USP44: variants seen among roughly 807,000 people sequenced by gnomAD.
USP44 encodes the protein ubiquitin carboxyl-terminal hydrolase 44.
USP44 carries 61 observed loss-of-function variants against 69.0 expected under a neutral mutation model. That is an observed-to-expected ratio of 0.88 (90% CI 0.72 to 1.09). The LOEUF is 1.09. Among genes scored for constraint, USP44 ranks in the 50% least tolerant of loss-of-function variants. The pLI, the probability that USP44 is intolerant of heterozygous loss-of-function variation, is 0.00. For synonymous variants in USP44, 297 were observed against 295.4 expected, an observed-to-expected ratio of 1.01 and a Z score of -0.06; for missense variants, 753 against 849.9, an observed-to-expected ratio of 0.89 and a Z score of 1.42.
At chr12:95,528,705 G>C in intron 3 of USP44, 102 bp downstream of exon 3, 2 of 1,263,274 alleles carry the variant, frequency 1.6e-6, no homozygotes, top group African/African-American at 1.5e-5. Context: ...CTGAAAAAAA[G>C]TTCATTTTCA....
chr12:95,542,495 G>A (rs1171807985), intron 1 of USP44, among the ~76,000 whole-genome samples: 1 of 152,204 alleles, frequency 6.6e-6, no homozygotes, highest in Non-Finnish European at 1.5e-5. Flanking sequence ...GCCAGGCACA[G>A]TGGCTTACGC....
chr12:95,546,682 G>A (rs1042355657), intron 1 of USP44: 7 of 152,294 alleles, frequency 4.6e-5, no homozygotes, highest in Admixed American at 3.9e-4. Context: ...ACTGCAGGAA[G>A]GACAGAGACT....
Position 95,546,082 on chromosome 12 carries a change from C to T in USP44, c.-71+5190G>A, listed in dbSNP as rs114843556. Among the ~76,000 whole-genome samples, 487 of 152,314 alleles carry T rather than the reference C, an allele frequency of 3.2e-3. 3 individuals are homozygous for T. Among genetic ancestry groups the T allele is most frequent in the African/African-American group, 0.011 (461 of 41,564 alleles). ...GCCTCCGGGTTATTTGAATTTCTCACCCCCATCCCTACTTAACAAGTAATT... is the reference window on the plus strand; with the variant it reads ...GCCTCCGGGTTATTTGAATTTCTCATCCCCATCCCTACTTAACAAGTAATT... On this transcript the variant is annotated intron_variant, in intron 1 of 5. Coordinates refer to ENST00000258499, the MANE Select transcript of USP44 (RefSeq NM_032147.5).
intron 1 of USP44, among the ~76,000 whole-genome samples, chr12:95,546,201 A>G (rs150331122): frequency 6.6e-6 from 1 of 152,348 alleles, no homozygotes; most frequent in Non-Finnish European, 1.5e-5. Flanking sequence ...AACATTCAGA[A>G]TAATACTGAG....
intron 1 of USP44, among the ~76,000 whole-genome samples, chr12:95,543,831 G>C (rs966196137): frequency 6.7e-6 from 1 of 150,352 alleles, no homozygotes; most frequent in Non-Finnish European, 1.5e-5. Flanking sequence ...GCCAGGCGTA[G>C]TGGCGGGCGC....
At chr12:95,538,927 C>A (rs1039782177) in intron 1 of USP44, among the ~76,000 whole-genome samples, 1 of 152,216 alleles carries the variant, frequency 6.6e-6, no homozygotes, top group South Asian at 2.1e-4. Flanking sequence ...GCTATGCATT[C>A]GCTCTGGCGT....
At chr12:95,531,218 T>C (rs1245992714) in intron 2 of USP44, among the ~76,000 whole-genome samples, 3 of 151,638 alleles carry the variant, frequency 2.0e-5, no homozygotes, top group African/African-American at 7.3e-5. Flanking sequence ...AGCAGACATA[T>C]ACCAAAAAAA....
At chr12:95,531,041 G>A (rs561373025) in intron 2 of USP44, among the ~76,000 whole-genome samples, 1 of 152,244 alleles carries the variant, frequency 6.6e-6, no homozygotes, top group South Asian at 2.1e-4. Context: ...GCAGGCGCCT[G>A]TAGTCCCAGC....
intron 1 of USP44, among the ~76,000 whole-genome samples, chr12:95,538,188 T>C (rs1465026529): frequency 6.6e-6 from 1 of 152,060 alleles, no homozygotes; most frequent in Admixed American, 6.6e-5. Context: ...AATCCCCGAG[T>C]TTAACACTTG....
chr12:95,547,271 T>G (rs1249369960), intron 1 of USP44, among the ~76,000 whole-genome samples: 2 of 152,206 alleles, frequency 1.3e-5, no homozygotes, highest in Non-Finnish European at 2.9e-5. Flanking sequence ...ATCTCTACAT[T>G]TGAATTTGGA....
Position 95,533,110 on chromosome 12 carries a change from G to T in USP44, c.1147C>A (p.His383Asn), listed in dbSNP as rs1485230704. Residue 383 changes from histidine (H) to asparagine (N), a missense_variant, in exon 2 of 6, where the codon CAT (histidine) becomes AAT (asparagine). By Grantham distance (68) the His-to-Asn change is moderately conservative. Coordinates refer to ENST00000258499, the MANE Select transcript of USP44 (RefSeq NM_032147.5). ...ACTTGGAACAAAGTATGCAATTCATGACAAAGAGAAATGTACTGTGAAGTT... is the reference window on the plus strand; with the variant it reads ...ACTTGGAACAAAGTATGCAATTCATTACAAAGAGAAATGTACTGTGAAGTT... ...EPTSQYISLCHELHTLFQVMW... is the reference protein window; with the variant it reads ...EPTSQYISLCNELHTLFQVMW... The T allele has an allele frequency of 6.2e-7, 1 of 1,614,188 alleles. No homozygotes were observed. The highest frequency in any genetic ancestry group is 2.2e-5 in the East Asian group (1 of 44,876).
At chr12:95,544,177 C>T (rs1354044494) in intron 1 of USP44, among the ~76,000 whole-genome samples, 3 of 148,902 alleles carry the variant, frequency 2.0e-5, no homozygotes, top group Non-Finnish European at 4.5e-5. Context: ...GCCTCAGCCT[C>T]CCAAGTAGCT....
Position 95,519,432 on chromosome 12 carries a change from ATTTTTTTT to A in USP44, c.1940-1087_1940-1080del, listed in dbSNP as rs60940181. Among the ~76,000 whole-genome samples the A allele has an allele frequency of 4.2e-3, 354 of 84,568 alleles. 3 individuals are homozygous for A. Among genetic ancestry groups the A allele is most frequent in the South Asian group, 6.9e-3 (18 of 2,598 alleles). The allele number at this position is 84,568 out of a possible 152,430, so 55.5% of individuals were successfully genotyped here. ...TTCAGACAAGGTATACTCAATCTGT[ATTTTTTTT>A]TTTTTTTTTTTTTTTTTGAGATGGA... is the stretch of plus-strand genomic sequence containing the variant. On this transcript the variant is annotated intron_variant, in intron 5 of 5. Transcript: ENST00000258499.
chr12:95,518,443 A>G, intron 5 of USP44, 90 bp from the exon 6 acceptor site: 2 of 1,321,140 alleles, frequency 1.5e-6, no homozygotes, highest in Non-Finnish European at 2.1e-6. Context: ...TCTGAAGGGA[A>G]AATAATTTTC....
At position 95,545,927 on chromosome 12, in the gene USP44, ACTC is replaced by A. The variant is rs374064568; in HGVS notation, c.-71+5342_-71+5344del. On this transcript the variant is annotated intron_variant, in intron 1 of 5. Transcript: ENST00000258499. ...TATAATTACCCTGATCTTGCTTGGAACTCCTCATTAAACAATAAAGGACACCCT... is the reference window on the plus strand; with the variant it reads ...TATAATTACCCTGATCTTGCTTGGAACTCATTAAACAATAAAGGACACCCT... Among the ~76,000 whole-genome samples, 108 of 151,242 alleles carry A rather than the reference ACTC, an allele frequency of 7.1e-4. No homozygotes were observed. The South Asian group carries it at 0.022, about 31-fold the overall frequency.
At chr12:95,523,788 GA>G (rs1213824883) in intron 4 of USP44, among the ~76,000 whole-genome samples, 1 of 151,724 alleles carries the variant, frequency 6.6e-6, no homozygotes, top group Non-Finnish European at 1.5e-5. Flanking sequence ...GAGGGGAAAG[GA>G]ACAAGATTGA....
intron 4 of USP44, among the ~76,000 whole-genome samples, 189 bp from the exon 5 acceptor site, chr12:95,521,391 T>C (rs1392377950): frequency 6.6e-6 from 1 of 152,220 alleles, no homozygotes; most frequent in East Asian, 1.9e-4. Context: ...TTCTTGTAGT[T>C]AGATGATAAT....
intron 1 of USP44, chr12:95,535,260 A>G (rs2077162963): frequency 6.6e-6 from 1 of 152,236 alleles, no homozygotes. Flanking sequence ...TATCTGACAC[A>G]TGGTAAATGG....
In USP44 at chr12:95,518,267, T is replaced by C. The variant is rs1024727150; in HGVS notation, c.2026A>G (p.Thr676Ala). 6 of 1,614,058 alleles carry C rather than the reference T, an allele frequency of 3.7e-6. No individual in the cohort carries two copies. Among genetic ancestry groups the C allele is most frequent in the Middle Eastern group, 1.6e-4 (1 of 6,084 alleles). The change falls in exon 6 of 6, where the codon ACC becomes GCC. Residue 676 changes from threonine (T) to alanine (A), a missense_variant. Physicochemically the swap from Thr to Ala is moderately conservative, Grantham distance 58. Coordinates refer to ENST00000258499, the MANE Select transcript of USP44 (RefSeq NM_032147.5). ...CKAQAYILFY[T>A]QRVTENGHSK... ...TGTCCATTCTCAGTAACTCGTTGGG[T>C]ATAAAACAAGATATAAGCTTGAGCC...
Sources: gnomAD v4.1 joint callset for allele counts (sites outside exome capture counted in the v4.1 genomes callset) on GRCh38, gnomAD v4.1.1 for gene constraint, MANE v1.5 for transcripts, NCBI Gene and HGNC (gene_info 2026-07-23, HGNC 2026-07-21) for gene names.